The following TJAP1 variants were observed in gnomAD, a reference collection of about 807,000 sequenced individuals.
TJAP1 encodes tight junction associated protein 1.
In TJAP1, 27 loss-of-function variants were observed where a neutral mutation model predicts 42.0. That is an observed-to-expected ratio of 0.64 (90% CI 0.47 to 0.89). TJAP1 has a LOEUF of 0.89. Ranked by LOEUF, TJAP1 falls within the 40% of genes least tolerant of loss-of-function variation. The probability of loss-of-function intolerance (pLI) is 0.00; values close to 1 mark genes in which losing one functional copy is unlikely to be tolerated. For missense variants in TJAP1, 712 were observed against 726.9 expected, an observed-to-expected ratio of 0.98 and a Z score of 0.24; for synonymous variants, 257 against 288.4, an observed-to-expected ratio of 0.89 and a Z score of 1.10.
intron 2 of TJAP1, among the ~76,000 whole-genome samples, chr6:43,488,474 G>A (rs1181920600): frequency 6.6e-6 from 1 of 152,210 alleles, no homozygotes; most frequent in African/African-American, 2.4e-5. Context: ...GTGGGAATCA[G>A]GATGGATATA....
At chr6:43,486,731 C>T (rs73426724) in intron 2 of TJAP1, among the ~76,000 whole-genome samples, 22,605 of 152,118 alleles carry the variant, frequency 0.15, 3,362 homozygotes, top group African/African-American at 0.38. Flanking sequence ...TTGTAATTCT[C>T]TATGCTGCCC....
Position 43,504,115 on chromosome 6 carries a change from C to CTTT in TJAP1, c.579+424_579+426dup, listed in dbSNP as rs869310556. The CTTT allele has an allele frequency of 2.0e-3, 510 of 258,012 alleles. 5 individuals are homozygous for CTTT. The highest frequency in any genetic ancestry group is 0.01 in the African/African-American group (431 of 41,756). The allele number at this position is 258,012 out of a possible 1,614,324, so 16.0% of individuals were successfully genotyped here. A position where few individuals can be genotyped will look rare whatever the true frequency, so the allele number is the denominator to read the frequency against. ...AGAAGTAGAAGAAGTAGAGGTATTT[C>CTTT]TTTTTTTTTTTTTTTTTGAGACGGA... On this transcript the variant is annotated intron_variant, in intron 10 of 10. Coordinates refer to ENST00000372449, the Ensembl canonical transcript of TJAP1.
rs781483817 is a variant in TJAP1, at chr6:43,505,622, A to G, written c.1441A>G (p.Arg481Gly). The G allele has an allele frequency of 7.4e-6, 12 of 1,613,394 alleles. No homozygotes were observed. The South Asian group carries it at 1.2e-4, about 16-fold the overall frequency. The change falls in exon 11 of 11, where the codon AGG becomes GGG. Residue 481 changes from arginine (R) to glycine (G), a missense_variant. Physicochemically the swap from Arg to Gly is moderately radical, Grantham distance 125. Coordinates refer to ENST00000372449, the Ensembl canonical transcript of TJAP1. The surrounding 1 kb of genome is among the most constrained non-coding windows in gnomAD (Gnocchi z 5.5). ...CACAGAACCTGACTCTGGCTTTCCC[A>G]GGGAGGAAGAAGAGCTGAACCTGCC...
chr6:43,499,962 G>A (rs981315161), intron 4 of TJAP1, among the ~76,000 whole-genome samples: 53 of 152,238 alleles, frequency 3.5e-4, no homozygotes, highest in African/African-American at 1.2e-3. Context: ...GTGAGGTGAA[G>A]GCTGTATAAT....
intron 10 of TJAP1, 113 bp downstream of exon 10, chr6:43,503,819 C>A: frequency 1.1e-6 from 1 of 924,764 alleles, no homozygotes; most frequent in Non-Finnish European, 1.8e-6. Flanking sequence ...CTTTGCCCTC[C>A]TCTTGCCTCC....
In TJAP1 at chr6:43,505,164, G is replaced by T; in HGVS notation, c.983G>T (p.Gly328Val). Reference sequence around the variant, plus strand: ...TCTCCACCACACCCACTGTATCCTGGCCGCAGGGTAATAGAGTTCTCTGAG... The same window carrying T: ...TCTCCACCACACCCACTGTATCCTGTCCGCAGGGTAATAGAGTTCTCTGAG... The change falls in exon 11 of 11, where the codon GGC becomes GTC. Residue 328 changes from glycine to valine, a missense_variant. Around this residue, in one of 3 missense-constraint regions of TJAP1, gnomAD observed 549 missense variants for 528.2 expected, o/e 1.04. Transcript: ENST00000372449. The surrounding 1 kb of genome is among the most constrained non-coding windows in gnomAD (Gnocchi z 5.5). 6.2e-7 allele frequency: 1 copy of T among 1,614,186 alleles called. No individual in the cohort carries two copies. Among genetic ancestry groups the T allele is most frequent in the East Asian group, 2.2e-5 (1 of 44,876 alleles).
chr6:43,477,890 G>T lies in TJAP1; in HGVS notation c.-267-197G>T, dbSNP rs568411303. ...GTTGTGCAGGCCCTGGAGAAGCAGA[G>T]TCACAAGTTGGAGGAAAATTTCTTA... is the stretch of plus-strand genomic sequence containing the variant. On this transcript the variant is annotated intron_variant, in intron 1 of 10. Transcript: ENST00000372449. 5.9e-5 allele frequency among the ~76,000 whole-genome samples: 9 copies of T among 152,320 alleles called. No homozygotes were observed. In the East Asian group the frequency reaches 1.7e-3, roughly 29 times the overall value.
intron 3 of TJAP1, 23 bp from the exon 4 acceptor site, chr6:43,498,955 G>A (rs770635361): frequency 6.2e-7 from 1 of 1,607,172 alleles, no homozygotes; most frequent in East Asian, 2.2e-5. Flanking sequence ...CTCTGAGCCT[G>A]CCTCCTTCTT....
intron 2 of TJAP1, 94 bp downstream of exon 2, chr6:43,478,326 A>C (rs1784632707): frequency 6.6e-6 from 1 of 152,236 alleles, no homozygotes; most frequent in Non-Finnish European, 1.5e-5. Flanking sequence ...ATTTGGTCTG[A>C]AAAGGGCTCA....
chr6:43,485,191 GT>G (rs1351716880), intron 2 of TJAP1, among the ~76,000 whole-genome samples: 3 of 152,214 alleles, frequency 2.0e-5, no homozygotes, highest in Non-Finnish European at 4.4e-5. Context: ...CAATATCCAT[GT>G]TTCCCCATAT....
intron 3 of TJAP1, among the ~76,000 whole-genome samples, chr6:43,498,198 GA>G (rs1192195504): frequency 1.3e-5 from 2 of 152,170 alleles, no homozygotes; most frequent in Non-Finnish European, 2.9e-5. Flanking sequence ...TTTTGGTTAT[GA>G]TTTTTTTTAA....
chr6:43,503,387 A>C lies in TJAP1; in HGVS notation c.388-14A>C, dbSNP rs750570939. ...TAGAGTGTGGGCTGGGTTAACCTCA[A>C]GTCTGTGCTTCAGATCAAGAAGGCT... On this transcript the variant is annotated splice_polypyrimidine_tract_variant and intron_variant, in intron 8 of 10. Coordinates refer to ENST00000372449, the Ensembl canonical transcript of TJAP1. The C allele has an allele frequency of 1.2e-6, 2 of 1,608,610 alleles. No individual in the cohort carries two copies. The highest frequency in any genetic ancestry group is 3.3e-5 in the Admixed American group (2 of 60,004).
chr6:43,491,451 C>T lies in TJAP1; in HGVS notation c.-121-6430C>T, dbSNP rs1253660037. ...GATTACAGGCATGCGCCACCACGCCCGGCTCATTTTGTATTTTTAGTAGAG... is the reference window on the plus strand; with the variant it reads ...GATTACAGGCATGCGCCACCACGCCTGGCTCATTTTGTATTTTTAGTAGAG... On this transcript the variant is annotated intron_variant, in intron 2 of 10. Transcript: ENST00000372449. The surrounding 1 kb of genome is among the most constrained non-coding windows in gnomAD (Gnocchi z 4.6). 6.6e-5 allele frequency among the ~76,000 whole-genome samples: 10 copies of T among 152,018 alleles called. No homozygotes were observed. The highest frequency in any genetic ancestry group is 4.2e-4 in the South Asian group (2 of 4,814).
intron 4 of TJAP1, among the ~76,000 whole-genome samples, chr6:43,499,400 A>C (rs1338730774): frequency 2.6e-5 from 4 of 152,214 alleles, no homozygotes. Flanking sequence ...GAGGGGTCCT[A>C]ATCTGCTAGT....
At chr6:43,498,950 A>C in intron 3 of TJAP1, 28 bp from the exon 4 acceptor site, 1 of 1,605,628 alleles carries the variant, frequency 6.2e-7, no homozygotes, top group Non-Finnish European at 8.5e-7. Flanking sequence ...CACATCTCTG[A>C]GCCTGCCTCC....
chr6:43,481,482 ACCC>A (rs60749220), intron 2 of TJAP1, among the ~76,000 whole-genome samples: 1 of 123,734 alleles, frequency 8.1e-6, no homozygotes, highest in African/African-American at 2.8e-5. Flanking sequence ...GCAAGACATC[ACCC>A]CCCCCCCAAA....
intron 2 of TJAP1, among the ~76,000 whole-genome samples, chr6:43,481,817 C>T (rs1488253661): frequency 6.6e-6 from 1 of 152,184 alleles, no homozygotes; most frequent in Non-Finnish European, 1.5e-5. Context: ...CACTCTCCTC[C>T]TCCTTCTGAG....
intron 6 of TJAP1, among the ~76,000 whole-genome samples, chr6:43,502,076 A>ACACACACACACACTCTCTCTCT (rs767085594): frequency 1.5e-5 from 1 of 68,930 alleles, no homozygotes; most frequent in African/African-American, 7.7e-5. Context: ...ACACACACAC[A>ACACACACACACACTCTCTCTCT]CTCTCTCTCT....
intron 4 of TJAP1, among the ~76,000 whole-genome samples, chr6:43,499,456 G>C (rs538350872): frequency 8.4e-4 from 128 of 152,362 alleles, no homozygotes; most frequent in Non-Finnish European, 1.4e-3. Context: ...CATTCAACCT[G>C]TGGCCCCTTT....
Sources: allele counts gnomAD v4.1 joint callset (sites outside exome capture counted in the v4.1 genomes callset), GRCh38; gene constraint gnomAD v4.1.1; regional missense constraint gnomAD v4.1.1; non-coding constraint Gnocchi (gnomAD v3.1); transcripts MANE v1.5; gene names NCBI Gene and HGNC (gene_info 2026-07-23, HGNC 2026-07-21).